The following NELL1 variants were observed in gnomAD, a reference collection of about 807,000 sequenced individuals.
The protein encoded by NELL1 is protein kinase C-binding protein NELL1.
In NELL1, 76 loss-of-function variants were observed where a neutral mutation model predicts 107.4. The observed-to-expected ratio is 0.71, with a 90% CI of 0.59 to 0.86. The LOEUF is 0.86. NELL1 is among the 40% of genes least tolerant of loss of function. The pLI is 0.00. For synonymous variants in NELL1, 353 were observed against 341.2 expected (o/e 1.03, Z -0.38); for missense variants, 1,024 against 1,005.5 (o/e 1.02, Z -0.25).
At chr11:21,099,192 AACACAC>A (rs59848133) in intron 12 of NELL1, among the ~76,000 whole-genome samples, 4,829 of 141,838 alleles carry the variant, frequency 0.034, 134 homozygotes, top group East Asian at 0.11. Context: ...GACACTGAAC[AACACAC>A]ACACACACAC....
intron 3 of NELL1, among the ~76,000 whole-genome samples, chr11:20,814,134 T>C (rs1433086680): frequency 2.6e-5 from 4 of 151,870 alleles, no homozygotes; most frequent in East Asian, 1.9e-4. Flanking sequence ...TAGTTGGGAC[T>C]ACAGGCGCAC....
chr11:21,391,051 C>T (rs1590893073), intron 15 of NELL1, among the ~76,000 whole-genome samples: 2 of 151,820 alleles, frequency 1.3e-5, no homozygotes, highest in Non-Finnish European at 2.9e-5. Flanking sequence ...AGGAAGGGTG[C>T]ATAGAAACTA....
chr11:20,978,272 T>C (rs1186007766), intron 12 of NELL1, among the ~76,000 whole-genome samples: 1 of 152,200 alleles, frequency 6.6e-6, no homozygotes, highest in African/African-American at 2.4e-5. Flanking sequence ...ACAGCCAGTA[T>C]TTCCTCAGCA....
intron 4 of NELL1, among the ~76,000 whole-genome samples, chr11:20,873,725 CT>C (rs1849247317): frequency 6.6e-6 from 1 of 150,878 alleles, no homozygotes; most frequent in African/African-American, 2.4e-5. Context: ...TGATCTTTCC[CT>C]GGCTGATGCT....
chr11:21,526,705 G>T (rs1415231719), intron 15 of NELL1, among the ~76,000 whole-genome samples: 1 of 152,146 alleles, frequency 6.6e-6, no homozygotes, highest in East Asian at 1.9e-4. Context: ...AGCTGTTAAG[G>T]GTTAGAGCTT....
intron 12 of NELL1, among the ~76,000 whole-genome samples, chr11:21,006,319 C>G (rs192253798): frequency 3.3e-5 from 5 of 152,254 alleles, no homozygotes; most frequent in African/African-American, 9.6e-5. Flanking sequence ...CTCTTGCCCT[C>G]TCACCATGCG....
At chr11:21,565,552 G>A (rs567528261) in intron 17 of NELL1, among the ~76,000 whole-genome samples, 2 of 152,008 alleles carry the variant, frequency 1.3e-5, no homozygotes, top group South Asian at 4.1e-4. Context: ...CCAGGAGATG[G>A]TAATGCTGCT....
At chr11:21,217,146 CA>C (rs951593538) in intron 13 of NELL1, among the ~76,000 whole-genome samples, 5 of 152,114 alleles carry the variant, frequency 3.3e-5, no homozygotes, top group African/African-American at 1.2e-4. Flanking sequence ...GTACTTCTTA[CA>C]ACCACCATAT....
intron 12 of NELL1, among the ~76,000 whole-genome samples, chr11:21,001,592 C>T (rs146363010): frequency 3.2e-3 from 481 of 151,986 alleles, no homozygotes; most frequent in Middle Eastern, 0.01. Flanking sequence ...ATGCTGAGAC[C>T]GAGCTAGAGG....
intron 3 of NELL1, among the ~76,000 whole-genome samples, chr11:20,789,699 G>A (rs1165720609): frequency 6.6e-6 from 1 of 152,248 alleles, no homozygotes; most frequent in Non-Finnish European, 1.5e-5. Context: ...ATGAAGAGAA[G>A]CTTTATTGAG....
intron 16 of NELL1, among the ~76,000 whole-genome samples, chr11:21,555,437 C>G (rs140040128): frequency 6.6e-6 from 1 of 151,706 alleles, no homozygotes; most frequent in Non-Finnish European, 1.5e-5. Flanking sequence ...TGAGTAAATG[C>G]GGATAGTTGC....
intron 3 of NELL1, among the ~76,000 whole-genome samples, chr11:20,792,166 A>G (rs1448068360): frequency 6.6e-6 from 1 of 152,002 alleles, no homozygotes; most frequent in East Asian, 1.9e-4. Context: ...TTAAGCTAAC[A>G]TTTGCTGATT....
Position 21,065,054 on chromosome 11 carries a change from G to A in NELL1, c.1301-48535G>A, listed in dbSNP as rs185031014. 2.3e-3 allele frequency among the ~76,000 whole-genome samples: 350 copies of A among 152,150 alleles called. 1 individual carries two copies. Among genetic ancestry groups the A allele is most frequent in the African/African-American group, 7.9e-3 (326 of 41,522 alleles). The stretch of plus-strand genomic sequence containing the variant: ...AGACAAATCAACACATCTTAATATT[G>A]ATTATGTCTGATTATGTCATCTTCT... On this transcript the variant is annotated intron_variant, in intron 12 of 19. Transcript: ENST00000357134.
chr11:20,686,249 G>A (rs1854302442), intron 2 of NELL1, among the ~76,000 whole-genome samples: 2 of 151,980 alleles, frequency 1.3e-5, no homozygotes, highest in African/African-American at 2.4e-5. Flanking sequence ...CACTTAACTG[G>A]GAACATTTCT....
chr11:20,785,267 G>T (rs747261964), intron 3 of NELL1, among the ~76,000 whole-genome samples: 1 of 152,226 alleles, frequency 6.6e-6, no homozygotes, highest in South Asian at 2.1e-4. Context: ...GCCTCAAAGC[G>T]TGGTGATGGA....
chr11:21,147,792 C>T (rs541016181), intron 13 of NELL1, among the ~76,000 whole-genome samples: 42 of 125,020 alleles, frequency 3.4e-4, no homozygotes, highest in Non-Finnish European at 5.4e-4. Context: ...GCTGAGATGG[C>T]ACCATTGCAC....
At chr11:20,994,436 G>A (rs938887243) in intron 12 of NELL1, among the ~76,000 whole-genome samples, 1 of 152,182 alleles carries the variant, frequency 6.6e-6, no homozygotes, top group Non-Finnish European at 1.5e-5. Flanking sequence ...ATAATCTGAT[G>A]TATTGTTTAC....
chr11:20,887,077 A>G (rs898525415), intron 5 of NELL1, among the ~76,000 whole-genome samples: 4 of 152,110 alleles, frequency 2.6e-5, no homozygotes, highest in Non-Finnish European at 5.9e-5. Flanking sequence ...CTTTACCAGA[A>G]TGTTATATAA....
intron 15 of NELL1, among the ~76,000 whole-genome samples, chr11:21,428,878 T>C (rs967700235): frequency 1.3e-5 from 2 of 152,174 alleles, no homozygotes; most frequent in Non-Finnish European, 2.9e-5. Context: ...ACTTTCTTGG[T>C]TGTAATAATC....
Sources: gnomAD v4.1 joint callset for allele counts (sites outside exome capture counted in the v4.1 genomes callset) on GRCh38, gnomAD v4.1.1 for gene constraint, MANE v1.5 for transcripts, NCBI Gene and HGNC (gene_info 2026-07-23, HGNC 2026-07-21) for gene names.